PFKFB3: variants seen among roughly 807,000 people sequenced by gnomAD.
The protein encoded by PFKFB3 is 6-phosphofructo-2-kinase/fructose-2,6-bisphosphatase 3.
PFKFB3 carries 33 observed loss-of-function variants against 68.0 expected under a neutral mutation model. The ratio of observed to expected loss-of-function variants is 0.49; its 90% CI spans 0.37 to 0.65. The LOEUF is 0.65. Among genes scored for constraint, PFKFB3 ranks in the 30% least tolerant of loss-of-function variants. PFKFB3 has a pLI of 0.00. For synonymous variants in PFKFB3, 315 were observed against 288.2 expected (o/e 1.09, Z -0.94); for missense variants, 586 against 712.2 (o/e 0.82, Z 2.02).
chr10:6,174,996 A>G (rs921850484), intron 1 of PFKFB3, among the ~76,000 whole-genome samples: 2 of 151,744 alleles, frequency 1.3e-5, no homozygotes, highest in Non-Finnish European at 2.9e-5. Context: ...TTGTATTTTT[A>G]TTAGAGATGG....
chr10:6,180,016 G>T (rs565552116), intron 1 of PFKFB3, among the ~76,000 whole-genome samples: 13 of 152,014 alleles, frequency 8.6e-5, no homozygotes, highest in Non-Finnish European at 1.8e-4. Flanking sequence ...TGCTGGACTC[G>T]CAGCATTTAA....
At chr10:6,175,533 A>G (rs1273921749) in intron 1 of PFKFB3, among the ~76,000 whole-genome samples, 2 of 152,210 alleles carry the variant, frequency 1.3e-5, no homozygotes, top group African/African-American at 4.8e-5. Context: ...GACCAGCGCT[A>G]GGGCTGCAAT....
intron 14 of PFKFB3, among the ~76,000 whole-genome samples, chr10:6,244,612 A>C (rs1846213999): frequency 6.6e-6 from 1 of 152,064 alleles, no homozygotes; most frequent in South Asian, 2.1e-4. Flanking sequence ...ACACGGTAAT[A>C]AATTAGTTCT....
chr10:6,228,060 C>T lies in PFKFB3; in HGVS notation c.1515+1695C>T, dbSNP rs1845472067. 4.7e-6 allele frequency: 4 copies of T among 856,032 alleles called. No homozygotes were observed. Among genetic ancestry groups the T allele is most frequent in the East Asian group, 2.5e-5 (1 of 39,308 alleles). 53.0% of individuals were successfully genotyped at this position (856,032 alleles called of 1,614,324 possible). A position where few individuals can be genotyped will look rare whatever the true frequency, so the allele number is the denominator to read the frequency against. On this transcript the variant is annotated intron_variant, in intron 14 of 14. Transcript: ENST00000379775. The surrounding 1 kb of genome is among the most constrained non-coding windows in gnomAD (Gnocchi z 4.5). ...AGAGCTGCCCCTGGCGTTGGGAGGA[C>T]AGTCCTTCAGGGTGGCCAGGTTCTT...
intron 1 of PFKFB3, among the ~76,000 whole-genome samples, chr10:6,203,807 C>G (rs995529628): frequency 2.0e-4 from 30 of 152,214 alleles, no homozygotes; most frequent in Non-Finnish European, 4.0e-4. Flanking sequence ...ACTTAATAAC[C>G]TATTTCTCTG....
rs773379850 is a variant in PFKFB3 at position 6,220,797 on chromosome 10, G to A, written c.763G>A (p.Gly255Ser). The A allele has an allele frequency of 8.1e-6, 13 of 1,613,826 alleles. No homozygotes were observed. The highest frequency in any genetic ancestry group is 4.0e-5 in the African/African-American group (3 of 74,938). ...GCGTACCATCTACCTGTGCCGGCAC[G>A]GCGAGAACGAGCACAACCTCCAGGG... ...QPRTIYLCRHGENEHNLQGRI... is the reference protein window; with the variant it reads ...QPRTIYLCRHSENEHNLQGRI... The change falls in exon 8 of 15, where the codon GGC becomes AGC. Residue 255 changes from glycine (G) to serine (S), a missense_variant. Transcript: ENST00000379775. This position sits in a 1 kb window ranked among gnomAD's most constrained non-coding sequence, Gnocchi z 4.1.
chr10:6,221,237 G>T, intron 8 of PFKFB3, 144 bp from the exon 9 acceptor site: 1 of 874,110 alleles, frequency 1.1e-6, no homozygotes, highest in East Asian at 2.6e-5. Flanking sequence ...TAGGGTGTGT[G>T]CGGCTGTGGC....
At chr10:6,315,095 C>T in the PFKFB3 span, among the ~76,000 whole-genome samples, 1 of 152,214 alleles carries the variant, frequency 6.6e-6, no homozygotes, top group Non-Finnish European at 1.5e-5. Flanking sequence ...CCCAGCCCAC[C>T]TGCCCACCCC....
At position 6,203,260 on chromosome 10, in the gene PFKFB3, G is replaced by C. The variant is rs370673747; in HGVS notation, c.-1G>C. The stretch of plus-strand genomic sequence containing the variant: ...GCGGGCCGTCGGGCGCAGCCGCGAA[G>C]ATGCCGTTGGAACTGACGCAGAGCC... On this transcript the variant is annotated 5_prime_UTR_variant, in exon 1 of 15. Transcript: ENST00000379775. 1.9e-6 allele frequency: 3 copies of C among 1,609,232 alleles called. No homozygotes were observed. In the African/African-American group the frequency reaches 4.0e-5, roughly 22 times the overall value.
chr10:6,325,881 G>A, the PFKFB3 span, among the ~76,000 whole-genome samples: 1 of 152,182 alleles, frequency 6.6e-6, no homozygotes, highest in Non-Finnish European at 1.5e-5. Flanking sequence ...AAATAGCAAT[G>A]TGTCTGTATA....
the PFKFB3 span, among the ~76,000 whole-genome samples, chr10:6,310,833 A>G: frequency 2.0e-5 from 3 of 152,236 alleles, no homozygotes; most frequent in African/African-American, 7.2e-5. Flanking sequence ...CTCAGAAAAT[A>G]AGAAAGAGAT....
At chr10:6,267,866 A>G in the PFKFB3 span, among the ~76,000 whole-genome samples, 6 of 149,142 alleles carry the variant, frequency 4.0e-5, no homozygotes, top group Non-Finnish European at 8.9e-5. Context: ...GAAGCAGGAG[A>G]ATCGCTTGAA....
At chr10:6,207,319 CGCAGGCACTCG>C (rs1843853973) in intron 1 of PFKFB3, among the ~76,000 whole-genome samples, 1 of 152,222 alleles carries the variant, frequency 6.6e-6, no homozygotes, top group Non-Finnish European at 1.5e-5. Flanking sequence ...CTCCTGCAAT[CGCAGGCACTCG>C]GCAGGCTGAG....
intron 14 of PFKFB3, among the ~76,000 whole-genome samples, chr10:6,241,124 C>T (rs1282551460): frequency 1.3e-5 from 2 of 152,048 alleles, no homozygotes; most frequent in East Asian, 3.9e-4. Context: ...CCAGGCTGGT[C>T]TCGAACTCCT....
chr10:6,229,994 G>A lies in PFKFB3; in HGVS notation c.1516-2901G>A, dbSNP rs370714091. On this transcript the variant is annotated intron_variant, in intron 14 of 14. Coordinates refer to ENST00000379775, the MANE Select transcript of PFKFB3 (RefSeq NM_004566.4). The surrounding 1 kb of genome is among the most constrained non-coding windows in gnomAD (Gnocchi z 4.3). ...TCAGTGGGCTATGGACTGGGTACTG[G>A]TCCACAGCCCAGGGGTTAGGGACCC... is the stretch of plus-strand genomic sequence containing the variant. Among the ~76,000 whole-genome samples the A allele has an allele frequency of 8.3e-4, 127 of 152,200 alleles. No homozygotes were observed. Among genetic ancestry groups the A allele is most frequent in the Middle Eastern group, 3.4e-3 (1 of 294 alleles).
the PFKFB3 span, among the ~76,000 whole-genome samples, chr10:6,307,671 G>A: frequency 1.3e-5 from 2 of 150,602 alleles, no homozygotes; most frequent in Non-Finnish European, 2.9e-5. Context: ...GTATTGTCCC[G>A]ATTGAGAATC....
chr10:6,269,864 C>T, the PFKFB3 span, among the ~76,000 whole-genome samples: 9 of 152,064 alleles, frequency 5.9e-5, no homozygotes, highest in Non-Finnish European at 1.0e-4. Context: ...GGTGTGGTGG[C>T]TCACGCTTGT....
intron 1 of PFKFB3, among the ~76,000 whole-genome samples, chr10:6,188,772 CAA>C (rs1473674536): frequency 6.6e-6 from 1 of 151,168 alleles, no homozygotes. Context: ...CTTCGCTTAG[CAA>C]AAAGTCCTTA....
chr10:6,144,953 G>C, exon 1 of PFKFB3: 4 of 1,268,726 alleles, frequency 3.2e-6, no homozygotes, highest in Non-Finnish European at 4.0e-6. Context: ...ACGTCGTCCT[G>C]TCTGGGTGTC....
Sources: allele counts gnomAD v4.1 joint callset (sites outside exome capture counted in the v4.1 genomes callset), GRCh38; gene constraint gnomAD v4.1.1; non-coding constraint Gnocchi (gnomAD v3.1); transcripts MANE v1.5; gene names NCBI Gene and HGNC (gene_info 2026-07-23, HGNC 2026-07-21).